The following CDH13 variants were observed in gnomAD, a reference collection of about 807,000 sequenced individuals.
CDH13 encodes the protein cadherin-13.
A neutral mutation model predicts 63.8 loss-of-function variants in CDH13; 24 were observed. The ratio of observed to expected loss-of-function variants is 0.38; its 90% CI spans 0.27 to 0.53. The LOEUF is 0.53. CDH13 is among the 20% of genes least tolerant of loss of function. The probability of loss-of-function intolerance (pLI) is 0.85; values close to 1 mark genes in which losing one functional copy is unlikely to be tolerated. For missense variants in CDH13, 1,049 were observed against 903.1 expected, an observed-to-expected ratio of 1.16 and a Z score of -2.07; for synonymous variants, 503 against 355.3, an observed-to-expected ratio of 1.42 and a Z score of -4.67.
At chr16:82,686,917 C>G (rs888014889) in intron 1 of CDH13, among the ~76,000 whole-genome samples, 4 of 152,226 alleles carry the variant, frequency 2.6e-5, no homozygotes, top group African/African-American at 9.6e-5. Context: ...CTTACACAGA[C>G]AACATTGTCT....
intron 1 of CDH13, among the ~76,000 whole-genome samples, chr16:82,646,611 C>A (rs985245702): frequency 3.9e-5 from 6 of 152,140 alleles, no homozygotes; most frequent in Admixed American, 6.5e-5. Context: ...GGTTAGAAGC[C>A]ATTTCTTACC....
At chr16:83,434,475 T>C (rs973876443) in intron 6 of CDH13, among the ~76,000 whole-genome samples, 1 of 151,916 alleles carries the variant, frequency 6.6e-6, no homozygotes, top group African/African-American at 2.4e-5. Context: ...CTTCACCCCA[T>C]CTCATTCCAC....
intron 5 of CDH13, among the ~76,000 whole-genome samples, chr16:83,245,953 T>A (rs1904949534): frequency 1.3e-5 from 2 of 152,124 alleles, no homozygotes; most frequent in East Asian, 1.9e-4. Flanking sequence ...CCCAGGCTGG[T>A]CTTACACTTT....
intron 1 of CDH13, among the ~76,000 whole-genome samples, chr16:82,797,489 A>G (rs748571977): frequency 2.6e-5 from 4 of 152,162 alleles, no homozygotes; most frequent in Non-Finnish European, 5.9e-5. Flanking sequence ...GCTTCTCATC[A>G]CATCACTTTT....
At chr16:83,216,526 T>C (rs1020377587) in intron 4 of CDH13, among the ~76,000 whole-genome samples, 14 of 139,880 alleles carry the variant, frequency 1.0e-4, no homozygotes, top group Non-Finnish European at 6.1e-5. Context: ...TTAATATATG[T>C]AATATTTAAT....
In CDH13 at chr16:83,032,110, CAT is replaced by C; in HGVS notation, c.260_261del (p.Ile87AsnfsTer39). 6.2e-7 allele frequency: 1 copy of C among 1,613,458 alleles called. No individual in the cohort carries two copies. Among genetic ancestry groups the C allele is most frequent in the South Asian group, 1.1e-5 (1 of 90,940 alleles). ...SDGGLVALRN[I>X]TAVGKTLFVH... is the part of the protein sequence containing the mutation. ...ATGGCGGCTTAGTTGCTCTGAGAAA[CAT>C]AACTGCAGTGGGCAAAACTCTGTTC... is the stretch of plus-strand genomic sequence containing the variant. On this transcript the variant is annotated frameshift_variant, in exon 3 of 14. Transcript: ENST00000567109. LOFTEE classifies it high-confidence loss of function.
intron 7 of CDH13, among the ~76,000 whole-genome samples, chr16:83,518,727 T>C (rs1235798705): frequency 6.6e-6 from 1 of 151,970 alleles, no homozygotes; most frequent in African/African-American, 2.4e-5. Flanking sequence ...CGCCTCAGCC[T>C]CCCAAAGTGC....
intron 7 of CDH13, among the ~76,000 whole-genome samples, chr16:83,560,326 G>T (rs2075681629): frequency 6.6e-6 from 1 of 152,168 alleles, no homozygotes; most frequent in Admixed American, 6.5e-5. Context: ...TAATGCAATG[G>T]AACACTACTC....
intron 1 of CDH13, among the ~76,000 whole-genome samples, chr16:82,734,049 A>G (rs149618833): frequency 1.1e-4 from 16 of 152,206 alleles, no homozygotes; most frequent in African/African-American, 3.6e-4. Flanking sequence ...GAGAACTAAT[A>G]TTGGAGCTGG....
At chr16:83,706,427 A>G (rs1907064950) in intron 10 of CDH13, among the ~76,000 whole-genome samples, 1 of 152,192 alleles carries the variant, frequency 6.6e-6, no homozygotes, top group African/African-American at 2.4e-5. Context: ...CAGAAATATT[A>G]GCATGGCCAT....
At chr16:83,049,615 G>A (rs28704923) in intron 3 of CDH13, among the ~76,000 whole-genome samples, 34 of 152,068 alleles carry the variant, frequency 2.2e-4, no homozygotes, top group African/African-American at 6.8e-4. Flanking sequence ...GATTACAGGC[G>A]TGAATGACTG....
At chr16:83,490,011 A>ACC in intron 7 of CDH13, among the ~76,000 whole-genome samples, 1 of 92,920 alleles carries the variant, frequency 1.1e-5, no homozygotes, top group South Asian at 2.8e-4. Flanking sequence ...TGCAGAAACC[A>ACC]CACACACACA....
intron 11 of CDH13, among the ~76,000 whole-genome samples, chr16:83,777,170 C>G (rs1419298897): frequency 6.6e-6 from 1 of 152,208 alleles, no homozygotes; most frequent in South Asian, 2.1e-4. Context: ...CATTTCCTAT[C>G]AATCCAATCG....
intron 1 of CDH13, among the ~76,000 whole-genome samples, chr16:82,700,958 C>A (rs1365323402): frequency 2.6e-4 from 5 of 19,134 alleles, no homozygotes. Context: ...GGAACCCGCC[C>A]CCCCCCCCCC....
At chr16:83,011,550 C>A (rs1914156583) in intron 2 of CDH13, among the ~76,000 whole-genome samples, 1 of 152,086 alleles carries the variant, frequency 6.6e-6, no homozygotes, top group East Asian at 1.9e-4. Flanking sequence ...GTCTCTTTCC[C>A]CATCTGAGTC....
chr16:82,658,973 A>G (rs938574337), intron 1 of CDH13, among the ~76,000 whole-genome samples: 1 of 151,924 alleles, frequency 6.6e-6, no homozygotes, highest in African/African-American at 2.4e-5. Context: ...CCTAAAGCTG[A>G]CTCTATGTCT....
At chr16:83,545,842 C>G (rs1484227699) in intron 7 of CDH13, among the ~76,000 whole-genome samples, 1 of 152,142 alleles carries the variant, frequency 6.6e-6, no homozygotes, top group East Asian at 1.9e-4. Context: ...CCTCAGCTTC[C>G]CCATGGAGAA....
At chr16:82,635,278 C>G (rs1348651528) in intron 1 of CDH13, among the ~76,000 whole-genome samples, 1 of 152,214 alleles carries the variant, frequency 6.6e-6, no homozygotes, top group Non-Finnish European at 1.5e-5. Context: ...GATGAAGGAT[C>G]TGGGCGGCTT....
At chr16:82,741,837 C>A (rs189293934) in intron 1 of CDH13, among the ~76,000 whole-genome samples, 1 of 152,222 alleles carries the variant, frequency 6.6e-6, no homozygotes, top group African/African-American at 2.4e-5. Flanking sequence ...GCATTGCCAA[C>A]TGGAGTCTAA....
Sources: allele counts gnomAD v4.1 joint callset (sites outside exome capture counted in the v4.1 genomes callset), GRCh38; gene constraint gnomAD v4.1.1; transcripts MANE v1.5; gene names NCBI Gene and HGNC (gene_info 2026-07-23, HGNC 2026-07-21).